DMD: variants seen among roughly 807,000 people sequenced by gnomAD.
DMD encodes mutant dystrophin.
A neutral mutation model predicts 330.1 loss-of-function variants in DMD; 63 were observed. The ratio of observed to expected loss-of-function variants is 0.19; its 90% CI spans 0.16 to 0.24. DMD has a LOEUF of 0.24. DMD is among the 10% of genes least tolerant of loss of function. The probability of loss-of-function intolerance (pLI) is 1.00; values close to 1 mark genes in which losing one functional copy is unlikely to be tolerated. For synonymous variants in DMD, 1,223 were observed against 959.8 expected (o/e 1.27, Z -5.07); for missense variants, 3,344 against 2,684.1 (o/e 1.25, Z -5.43).
intron 44 of DMD, among the ~76,000 whole-genome samples, chrX:32,171,252 G>A (rs888297405): frequency 9.0e-6 from 1 of 111,572 alleles, no homozygotes; most frequent in Non-Finnish European, 1.9e-5. Flanking sequence ...ATATACTAAA[G>A]TGAGTAAAAT....
At chrX:31,981,842 G>A (rs1325737026) in intron 44 of DMD, among the ~76,000 whole-genome samples, 1 of 112,053 alleles carries the variant, frequency 8.9e-6, no homozygotes, top group African/African-American at 3.2e-5. Context: ...TTATATTCTA[G>A]GGAAATGAGA....
chrX:31,133,829 C>G (rs1390276373), intron 77 of DMD, among the ~76,000 whole-genome samples: 1 of 112,177 alleles, frequency 8.9e-6, no homozygotes, highest in African/African-American at 3.2e-5. Context: ...ATAATTAACT[C>G]TTCAGACTAA....
At chrX:31,323,746 T>G in intron 61 of DMD, 88 bp from the exon 62 acceptor site, 1 of 824,139 alleles carries the variant, frequency 1.2e-6, no homozygotes, top group South Asian at 2.2e-5. Context: ...GAATTACAAT[T>G]TTACACTGAT....
chrX:31,438,744 T>C, intron 60 of DMD, among the ~76,000 whole-genome samples: 1 of 110,667 alleles, frequency 9.0e-6, no homozygotes, highest in Non-Finnish European at 1.9e-5. Context: ...GACCCCATAA[T>C]GCAAAATGAT....
chrX:32,397,805 C>G (rs2098056123), intron 30 of DMD, among the ~76,000 whole-genome samples: 1 of 110,711 alleles, frequency 9.0e-6, no homozygotes, highest in East Asian at 2.8e-4. Flanking sequence ...CAGAAAATGG[C>G]CAGCAAAATT....
At chrX:32,058,620 G>A (rs1406429677) in intron 44 of DMD, among the ~76,000 whole-genome samples, 2 of 106,555 alleles carry the variant, frequency 1.9e-5, no homozygotes, top group Admixed American at 2.0e-4. Flanking sequence ...TGAAGGTGTA[G>A]GAAAATTGGA....
chrX:32,434,733 T>C (rs777449052), intron 29 of DMD, among the ~76,000 whole-genome samples: 2 of 111,971 alleles, frequency 1.8e-5, no homozygotes, highest in East Asian at 5.6e-4. Flanking sequence ...CTAAGTAGTT[T>C]GAAATTGATC....
intron 62 of DMD, among the ~76,000 whole-genome samples, chrX:31,314,746 G>GAGAGAGAGAGAGAGAGAGAGAA (rs1556488504): frequency 2.7e-4 from 8 of 29,873 alleles, no homozygotes; most frequent in African/African-American, 3.6e-4. Context: ...CATACACAGA[G>GAGAGAGAGAGAGAGAGAGAGAA]AGAGAGAGAG....
At chrX:31,122,774 T>C (rs2032919108) in intron 78 of DMD, among the ~76,000 whole-genome samples, 1 of 111,727 alleles carries the variant, frequency 9.0e-6, no homozygotes, top group African/African-American at 3.3e-5. Flanking sequence ...TTACTAATAA[T>C]GCAGCACGAC....
chrX:33,278,736 T>C (rs2053275075), intron 1 of DMD, among the ~76,000 whole-genome samples: 1 of 111,495 alleles, frequency 9.0e-6, no homozygotes. Context: ...TCCTTACTTT[T>C]AGTTCTTCGA....
intron 45 of DMD, among the ~76,000 whole-genome samples, chrX:31,962,167 C>G (rs2095312451): frequency 9.0e-6 from 1 of 111,349 alleles, no homozygotes; most frequent in African/African-American, 3.3e-5. Flanking sequence ...GCAACTATTT[C>G]ATAGAGTTGT....
intron 12 of DMD, among the ~76,000 whole-genome samples, chrX:32,598,100 T>G (rs1459442268): frequency 1.8e-5 from 2 of 112,037 alleles, no homozygotes; most frequent in Non-Finnish European, 3.8e-5. Flanking sequence ...ATCCTAGGCT[T>G]CTTATTTTCG....
intron 52 of DMD, among the ~76,000 whole-genome samples, chrX:31,699,824 A>G (rs1349843342): frequency 8.9e-6 from 1 of 111,764 alleles, no homozygotes; most frequent in East Asian, 2.8e-4. Context: ...GAGTGGGTTC[A>G]TGAGCACTCA....
chrX:32,819,026 T>TTC (rs1557054539), intron 5 of DMD, among the ~76,000 whole-genome samples: 53 of 103,931 alleles, frequency 5.1e-4, no homozygotes, highest in African/African-American at 1.5e-3. Flanking sequence ...TTTTTTTTTT[T>TTC]CCAGGGCATG....
At chrX:32,678,255 A>G (rs1305214814) in intron 9 of DMD, among the ~76,000 whole-genome samples, 2 of 112,560 alleles carry the variant, frequency 1.8e-5, no homozygotes, top group Non-Finnish European at 3.8e-5. Flanking sequence ...GTGTCCTTAC[A>G]GAAGAAAAGA....
chrX:31,305,548 G>A (rs1468614699), intron 62 of DMD, among the ~76,000 whole-genome samples: 2 of 111,447 alleles, frequency 1.8e-5, no homozygotes, highest in Admixed American at 1.9e-4. Flanking sequence ...CCTTTATCTA[G>A]ATCTTATCTA....
chrX:32,565,724 T>G lies in DMD; in HGVS notation c.1970A>C (p.Lys657Thr). 1 of 1,211,762 alleles carries G rather than the reference T, an allele frequency of 8.3e-7. No homozygotes were observed. Among genetic ancestry groups the G allele is most frequent in the Non-Finnish European group, 1.1e-6 (1 of 895,419 alleles). The change falls in exon 16 of 79, where the codon AAA becomes ACA. Residue 657 changes from lysine (K) to threonine (T), a missense_variant. Coordinates refer to ENST00000357033, the MANE Select transcript of DMD (RefSeq NM_004006.3). ...AACCTGTGCTGTACTCTTTTCAAGT[T>G]TTTGGACTAAATTATCCCAACACCG... ...FARCWDNLVQ[K>T]LEKSTAQISQ...
At chrX:33,095,814 T>C (rs12014470) in intron 1 of DMD, among the ~76,000 whole-genome samples, 3,323 of 110,872 alleles carry the variant, frequency 0.03, 128 homozygotes, top group African/African-American at 0.1. Context: ...GAAATCAATC[T>C]CAATTTATTT....
At chrX:32,298,779 A>G (rs981759151) in intron 42 of DMD, among the ~76,000 whole-genome samples, 23 of 110,925 alleles carry the variant, frequency 2.1e-4, no homozygotes, top group Admixed American at 1.9e-3. Flanking sequence ...AGTTGGGAGC[A>G]TAGATTCACT....
Sources: allele counts gnomAD v4.1 joint callset (sites outside exome capture counted in the v4.1 genomes callset), GRCh38; gene constraint gnomAD v4.1.1; transcripts MANE v1.5; gene names NCBI Gene and HGNC (gene_info 2026-07-23, HGNC 2026-07-21).